Variants in RPS6KA2 observed in about 807,000 individuals in gnomAD.
The protein encoded by RPS6KA2 is ribosomal protein S6 kinase A2.
A neutral mutation model predicts 91.8 loss-of-function variants in RPS6KA2; 42 were observed. The observed-to-expected ratio is 0.46, with a 90% CI of 0.36 to 0.59. RPS6KA2 has a LOEUF of 0.59. Among genes scored for constraint, RPS6KA2 ranks in the 20% least tolerant of loss-of-function variants. The pLI, the probability that RPS6KA2 is intolerant of heterozygous loss-of-function variation, is 0.00. For missense variants in RPS6KA2, 798 were observed against 978.5 expected, an observed-to-expected ratio of 0.82 and a Z score of 2.46; for synonymous variants, 414 against 393.6, an observed-to-expected ratio of 1.05 and a Z score of -0.61.
chr6:166,769,740 A>G (rs1443148016), intron 2 of RPS6KA2, among the ~76,000 whole-genome samples: 1 of 152,210 alleles, frequency 6.6e-6, no homozygotes, highest in Non-Finnish European at 1.5e-5. Flanking sequence ...CCTCTCTTCC[A>G]GGATTTGGGA....
intron 1 of RPS6KA2, among the ~76,000 whole-genome samples, chr6:166,610,564 A>T (rs1335338644): frequency 6.6e-6 from 1 of 152,254 alleles, no homozygotes; most frequent in Non-Finnish European, 1.5e-5. Context: ...GGAGGCCTCC[A>T]AAAATGCTAC....
At chr6:166,862,285 G>C (rs1387605333) in exon 1 of RPS6KA2, 1 of 1,581,996 alleles carries the variant, frequency 6.3e-7, no homozygotes, top group Non-Finnish European at 8.6e-7. Context: ...AAGGGACGCA[G>C]AGGCCGGCGG....
chr6:166,571,669 G>A (rs1307076409), intron 1 of RPS6KA2, among the ~76,000 whole-genome samples: 2 of 117,348 alleles, frequency 1.7e-5, no homozygotes, highest in African/African-American at 3.6e-5. Flanking sequence ...AATTAGATAG[G>A]TGAGAGACTT....
At chr6:166,416,725 A>C (rs1778544541) in intron 19 of RPS6KA2, among the ~76,000 whole-genome samples, 1 of 147,758 alleles carries the variant, frequency 6.8e-6, no homozygotes, top group South Asian at 2.2e-4. Flanking sequence ...CACCTCCACC[A>C]TCCCTCCACA....
intron 2 of RPS6KA2, among the ~76,000 whole-genome samples, chr6:166,672,215 T>C (rs1275122557): frequency 6.6e-6 from 1 of 152,060 alleles, no homozygotes; most frequent in Non-Finnish European, 1.5e-5. Context: ...TCCAGGTATG[T>C]GGGGACGGAG....
At position 166,836,244 on chromosome 6, in the gene RPS6KA2, T is replaced by C. The variant is rs78999102; in HGVS notation, c.123+21956A>G. On this transcript the variant is annotated intron_variant, in intron 2 of 21. Transcript: ENST00000503859. ...TGTAATGTCTTTGCACGGGTTTTAG[T>C]ATCGGGGTAATTTTGGCTTCATAAA... 2.2e-4 allele frequency among the ~76,000 whole-genome samples: 34 copies of C among 152,242 alleles called. 2 individuals carry two copies. In the East Asian group the frequency reaches 6.6e-3, roughly 29 times the overall value.
intron 2 of RPS6KA2, among the ~76,000 whole-genome samples, chr6:166,652,724 G>A (rs1057290555): frequency 1.3e-5 from 2 of 152,142 alleles, no homozygotes; most frequent in Non-Finnish European, 2.9e-5. Flanking sequence ...AATTTCAGGC[G>A]GGGCCCAGAG....
intron 9 of RPS6KA2, among the ~76,000 whole-genome samples, chr6:166,489,214 T>G (rs1322156620): frequency 1.3e-5 from 2 of 152,060 alleles, no homozygotes; most frequent in Non-Finnish European, 2.9e-5. Context: ...AAACATTATT[T>G]AATAATAAAA....
intron 2 of RPS6KA2, among the ~76,000 whole-genome samples, chr6:166,647,574 C>G (rs552228480): frequency 6.6e-6 from 1 of 152,234 alleles, no homozygotes; most frequent in Non-Finnish European, 1.5e-5. Context: ...TCTACATGCC[C>G]GTTCCACCTC....
At chr6:166,758,252 A>ACCCTGTATTACCCCTCCAGATGATGCCT (rs1778073276) in intron 2 of RPS6KA2, among the ~76,000 whole-genome samples, 1 of 152,192 alleles carries the variant, frequency 6.6e-6, no homozygotes, top group Non-Finnish European at 1.5e-5. Flanking sequence ...GGATGTCATC[A>ACCCTGTATTACCCCTCCAGATGATGCCT]CCCTGTATTA....
At chr6:166,862,503 C>T (rs2128635675) in exon 1 of RPS6KA2, 1 of 565,966 alleles carries the variant, frequency 1.8e-6, no homozygotes, top group South Asian at 2.4e-5. Flanking sequence ...GCTTCGGAAT[C>T]TGTACTGCGA....
chr6:166,609,829 T>A (rs1583323455), intron 1 of RPS6KA2, among the ~76,000 whole-genome samples: 1 of 152,336 alleles, frequency 6.6e-6, no homozygotes, highest in East Asian at 1.9e-4. Context: ...AGACAAGTTT[T>A]AGTGTCAAGT....
At chr6:166,578,109 T>C (rs913711765) in intron 1 of RPS6KA2, among the ~76,000 whole-genome samples, 7 of 152,172 alleles carry the variant, frequency 4.6e-5, no homozygotes, top group South Asian at 4.1e-4. Flanking sequence ...GTAAGTCCAA[T>C]TAAACCTCTT....
chr6:166,615,775 A>AC (rs1010749158), intron 1 of RPS6KA2, among the ~76,000 whole-genome samples: 1 of 151,530 alleles, frequency 6.6e-6, no homozygotes, highest in Non-Finnish European at 1.5e-5. Context: ...GGGAGAGCAC[A>AC]CCCCCCCAGG....
chr6:166,528,073 G>A (rs893000205), intron 3 of RPS6KA2, among the ~76,000 whole-genome samples: 6 of 152,188 alleles, frequency 3.9e-5, no homozygotes, highest in Non-Finnish European at 8.8e-5. Context: ...AACCGCCTAG[G>A]AGTGGACCAG....
intron 2 of RPS6KA2, among the ~76,000 whole-genome samples, chr6:166,750,023 G>A (rs1033836786): frequency 2.0e-4 from 30 of 152,030 alleles, no homozygotes; most frequent in African/African-American, 5.1e-4. Flanking sequence ...AGTCCAGCCC[G>A]GCTTGAGTCA....
intron 12 of RPS6KA2, among the ~76,000 whole-genome samples, chr6:166,454,318 T>C (rs1780015994): frequency 6.6e-6 from 1 of 152,140 alleles, no homozygotes; most frequent in African/African-American, 2.4e-5. Context: ...ACCAACATGG[T>C]GAAGCCCTGT....
At chr6:166,527,582 A>G (rs1376316193) in intron 3 of RPS6KA2, among the ~76,000 whole-genome samples, 1 of 152,224 alleles carries the variant, frequency 6.6e-6, no homozygotes, top group Non-Finnish European at 1.5e-5. Flanking sequence ...CACATTCCAT[A>G]TGATTTGCCC....
intron 2 of RPS6KA2, among the ~76,000 whole-genome samples, chr6:166,721,635 G>C (rs1203190673): frequency 6.6e-6 from 1 of 152,242 alleles, no homozygotes; most frequent in African/African-American, 2.4e-5. Flanking sequence ...ATCGCAGTGG[G>C]TCTGCGTCTG....
Sources: gnomAD v4.1 joint callset for allele counts (sites outside exome capture counted in the v4.1 genomes callset) on GRCh38, gnomAD v4.1.1 for gene constraint, MANE v1.5 for transcripts, NCBI Gene and HGNC (gene_info 2026-07-23, HGNC 2026-07-21) for gene names.